SYNE1: variants seen among roughly 807,000 people sequenced by gnomAD.
SYNE1 encodes spectrin repeat containing nuclear envelope protein 1.
A neutral mutation model predicts 1,111.0 loss-of-function variants in SYNE1; 616 were observed. The ratio of observed to expected loss-of-function variants is 0.55; its 90% CI spans 0.52 to 0.59. SYNE1 has a LOEUF of 0.59. Among genes scored for constraint, SYNE1 ranks in the 20% least tolerant of loss-of-function variants. The pLI, the probability that SYNE1 is intolerant of heterozygous loss-of-function variation, is 0.00. For missense variants in SYNE1, 10,006 were observed against 10,417.0 expected, an observed-to-expected ratio of 0.96 and a Z score of 1.72; for synonymous variants, 3,855 against 3,825.8, an observed-to-expected ratio of 1.01 and a Z score of -0.28.
intron 3 of SYNE1, among the ~76,000 whole-genome samples, chr6:152,599,461 C>T (rs1427547980): frequency 6.6e-6 from 1 of 152,130 alleles, no homozygotes; most frequent in Non-Finnish European, 1.5e-5. Flanking sequence ...TCTTTGGTTC[C>T]CAAAGGAATA....
Position 152,261,971 on chromosome 6 carries a change from C to T in SYNE1, c.18972+61G>A, listed in dbSNP as rs187006742. The T allele has an allele frequency of 1.8e-4, 257 of 1,391,388 alleles. 3 individuals carry two copies. In the Admixed American group the frequency reaches 5.2e-3, roughly 28 times the overall value. The allele number at this position is 1,391,388 out of a possible 1,614,324, so 86.2% of individuals were successfully genotyped here. On this transcript the variant is annotated intron_variant, in intron 101 of 145. Transcript: ENST00000367255. ...ATTAAGTTGATTGCACAGTTATAAT[C>T]CCTCAGCATAAACTCTACATCTTTT...
At chr6:152,208,278 T>A in intron 124 of SYNE1, 72 bp from the exon 125 acceptor site, 2 of 1,361,732 alleles carry the variant, frequency 1.5e-6, no homozygotes, top group Non-Finnish European at 2.1e-6. Flanking sequence ...AGCCAATGTA[T>A]ACACTGTCAA....
chr6:152,251,214 G>T (rs9383980), intron 104 of SYNE1, among the ~76,000 whole-genome samples: 88,007 of 151,568 alleles, frequency 0.58, 25,947 homozygotes, highest in East Asian at 0.76. Context: ...GCCTCCCAAA[G>T]TGCTGGGATT....
intron 105 of SYNE1, among the ~76,000 whole-genome samples, chr6:152,246,294 C>T (rs1206661425): frequency 6.6e-6 from 1 of 151,108 alleles, no homozygotes; most frequent in Non-Finnish European, 1.5e-5. Flanking sequence ...CAAATAAAAG[C>T]AAGCTGGAGG....
intron 72 of SYNE1, 51 bp downstream of exon 72, chr6:152,350,117 C>T (rs1473600765): frequency 6.2e-7 from 1 of 1,609,788 alleles, no homozygotes; most frequent in Admixed American, 1.7e-5. Context: ...CACATGCGTA[C>T]ACACACTGGT....
intron 67 of SYNE1, among the ~76,000 whole-genome samples, chr6:152,354,044 G>A (rs746038955): frequency 1.2e-4 from 19 of 152,122 alleles, no homozygotes; most frequent in Non-Finnish European, 1.9e-4. Flanking sequence ...GGAGGCTGAG[G>A]CAGGAGAATC....
At chr6:152,572,624 C>G (rs1036939033) in intron 3 of SYNE1, among the ~76,000 whole-genome samples, 24 of 152,324 alleles carry the variant, frequency 1.6e-4, no homozygotes, top group African/African-American at 5.8e-4. Flanking sequence ...GCCAGATACT[C>G]AAAAGCTCCT....
At chr6:152,218,865 TC>T in intron 120 of SYNE1, 137 bp downstream of exon 120, 1 of 938,170 alleles carries the variant, frequency 1.1e-6, no homozygotes, top group South Asian at 1.4e-5. Flanking sequence ...CACCAGAACT[TC>T]CAAGTTTGTT....
intron 95 of SYNE1, among the ~76,000 whole-genome samples, chr6:152,289,914 C>T (rs2094513718): frequency 6.9e-6 from 1 of 145,976 alleles, no homozygotes; most frequent in Non-Finnish European, 1.5e-5. Flanking sequence ...GCATGAGCTA[C>T]CGCGCCCAGC....
chr6:152,567,468 T>C (rs1029505896), intron 3 of SYNE1, among the ~76,000 whole-genome samples: 3 of 152,216 alleles, frequency 2.0e-5, no homozygotes, highest in Admixed American at 6.5e-5. Context: ...GTGAAGTATA[T>C]ATAACAGATA....
At chr6:152,540,206 T>C (rs2099262774) in intron 3 of SYNE1, among the ~76,000 whole-genome samples, 185 bp from the exon 4 acceptor site, 1 of 148,092 alleles carries the variant, frequency 6.8e-6, no homozygotes, top group Non-Finnish European at 1.5e-5. Context: ...GACTATTCCT[T>C]TAAAAATTAT....
intron 39 of SYNE1, among the ~76,000 whole-genome samples, chr6:152,420,983 A>G (rs2098249963): frequency 6.6e-6 from 1 of 152,366 alleles, no homozygotes; most frequent in Admixed American, 6.5e-5. Context: ...ATGTTTTGTC[A>G]CAGGACACAA....
At chr6:152,235,200 TTC>T (rs1437578642) in intron 110 of SYNE1, among the ~76,000 whole-genome samples, 1 of 152,156 alleles carries the variant, frequency 6.6e-6, no homozygotes, top group Non-Finnish European at 1.5e-5. Context: ...AATCCATGTT[TTC>T]TCTTTCTCTC....
At chr6:152,128,348 A>G (rs903200534) in intron 145 of SYNE1, 2 of 152,238 alleles carry the variant, frequency 1.3e-5, no homozygotes, top group African/African-American at 2.4e-5. Flanking sequence ...GTAACGATTT[A>G]GGGAATCTCT....
chr6:152,610,206 G>A (rs1439912383), intron 3 of SYNE1, among the ~76,000 whole-genome samples: 1 of 152,150 alleles, frequency 6.6e-6, no homozygotes, highest in Middle Eastern at 3.2e-3. Context: ...CCAAGCTAAA[G>A]GAGCATGTTC....
Position 152,627,657 on chromosome 6 carries a change from A to T in SYNE1, c.67+608T>A, listed in dbSNP as rs57623867. Among the ~76,000 whole-genome samples the T allele has an allele frequency of 9.9e-3, 1,510 of 151,870 alleles. 21 individuals are homozygous for T. Among genetic ancestry groups the T allele is most frequent in the African/African-American group, 0.035 (1,449 of 41,480 alleles). On this transcript the variant is annotated intron_variant, in intron 3 of 145. Coordinates refer to ENST00000367255, the MANE Select transcript of SYNE1 (RefSeq NM_182961.4). ...GGAAGACAGAGCAAGATTCCATCTT[A>T]AAAAAAATCAAAAGCAGAGAAGAGA...
chr6:152,511,208 G>T, intron 6 of SYNE1, 105 bp from the exon 7 acceptor site: 1 of 1,003,902 alleles, frequency 1.0e-6, no homozygotes, highest in Non-Finnish European at 1.6e-6. Context: ...ATTTGATCAT[G>T]CCTATGTAAT....
rs769730457 is a variant in SYNE1, at chr6:152,294,145, A to G, written c.17683-18T>C. ...GCAATGTCCTGTGAGTGCAAAGCAC[A>G]GTATTGAATTAAACAAAAAGACAAA... On this transcript the variant is annotated intron_variant, in intron 93 of 145. Coordinates refer to ENST00000367255, the MANE Select transcript of SYNE1 (RefSeq NM_182961.4). The G allele has an allele frequency of 6.8e-6, 11 of 1,612,572 alleles. No individual in the cohort carries two copies. The Admixed American group carries it at 1.7e-4, about 24-fold the overall frequency.
At position 152,442,234 on chromosome 6, in the gene SYNE1, C is replaced by T. The variant is rs1481033410; in HGVS notation, c.3849G>A (p.Lys1283=). 1.2e-6 allele frequency: 2 copies of T among 1,613,036 alleles called. No homozygotes were observed. The highest frequency in any genetic ancestry group is 1.7e-5 in the Admixed American group (1 of 60,004). ...QLLLHHQQKT[K]RISAKKRDVQ... ...CATCTCTCTTCTTTGCTGAGATCCGCTTTGTCTTTTGCTAGAAGCATTTAT... is the reference window on the plus strand; with the variant it reads ...CATCTCTCTTCTTTGCTGAGATCCGTTTTGTCTTTTGCTAGAAGCATTTAT... Residue 1283 remains lysine (K), a synonymous_variant, in exon 31 of 146, where the codon AAG becomes AAA. Transcript: ENST00000367255.
Sources: allele counts gnomAD v4.1 joint callset (sites outside exome capture counted in the v4.1 genomes callset), GRCh38; gene constraint gnomAD v4.1.1; transcripts MANE v1.5; gene names NCBI Gene and HGNC (gene_info 2026-07-23, HGNC 2026-07-21).